Variants in SAMD3 observed in about 807,000 individuals in gnomAD.
SAMD3 encodes the protein sterile alpha motif domain-containing protein 3.
SAMD3 carries 63 observed loss-of-function variants against 58.5 expected under a neutral mutation model. That is an observed-to-expected ratio of 1.08 (90% confidence interval 0.88 to 1.33). The LOEUF is 1.33. Ranked by LOEUF, SAMD3 falls within the 40% of genes most tolerant of loss-of-function variation. SAMD3 has a pLI of 0.00. For missense variants in SAMD3, 604 were observed against 608.4 expected (o/e 0.99, Z 0.08); for synonymous variants, 220 against 210.3 (o/e 1.05, Z -0.40).
At chr6:130,218,771 G>A (rs897266013) in intron 1 of SAMD3, among the ~76,000 whole-genome samples, 1 of 151,800 alleles carries the variant, frequency 6.6e-6, no homozygotes, top group Non-Finnish European at 1.5e-5. Flanking sequence ...CAAAGAAGCT[G>A]GAGAAAGCAG....
chr6:130,144,872 A>ATT, intron 11 of SAMD3, 68 bp from the exon 12 acceptor site: 1 of 1,344,464 alleles, frequency 7.4e-7, no homozygotes, highest in South Asian at 1.4e-5. Context: ...TCTGAACTTA[A>ATT]TCATGGTATT....
chr6:130,209,660 G>T, intron 4 of SAMD3, 52 bp from the exon 5 acceptor site: 2 of 1,164,996 alleles, frequency 1.7e-6, no homozygotes, highest in South Asian at 1.3e-5. Flanking sequence ...TATGACCATT[G>T]ATCTCACAGC....
intron 1 of SAMD3, among the ~76,000 whole-genome samples, chr6:130,357,371 G>A (rs576750675): frequency 2.9e-4 from 44 of 152,002 alleles, no homozygotes; most frequent in African/African-American, 9.9e-4. Flanking sequence ...TGATCTGCCC[G>A]CCTCGGCCTC....
intron 8 of SAMD3, among the ~76,000 whole-genome samples, chr6:130,173,707 G>C (rs150953313): frequency 2.6e-5 from 4 of 152,346 alleles, no homozygotes; most frequent in African/African-American, 9.6e-5. Flanking sequence ...CTGGTGCGCT[G>C]TGCTGGGAGA....
chr6:130,158,751 AG>A (rs2114604573), intron 8 of SAMD3, among the ~76,000 whole-genome samples: 1 of 152,318 alleles, frequency 6.6e-6, no homozygotes, highest in South Asian at 2.1e-4. Flanking sequence ...ACAGAGTGGG[AG>A]CGGGCTCAAG....
At chr6:130,251,065 G>A (rs1189114038) in intron 2 of SAMD3, among the ~76,000 whole-genome samples, 2 of 152,166 alleles carry the variant, frequency 1.3e-5, no homozygotes, top group East Asian at 3.8e-4. Flanking sequence ...GTGAATGCAG[G>A]TTTGAATTTC....
At chr6:130,156,172 C>T (rs757741616) in intron 8 of SAMD3, among the ~76,000 whole-genome samples, 1 of 151,906 alleles carries the variant, frequency 6.6e-6, no homozygotes, top group Non-Finnish European at 1.5e-5. Flanking sequence ...AACCCCACCT[C>T]TACTAAAAAT....
intron 2 of SAMD3, among the ~76,000 whole-genome samples, chr6:130,260,228 C>T (rs1018440021): frequency 2.6e-5 from 4 of 152,206 alleles, no homozygotes; most frequent in African/African-American, 9.6e-5. Flanking sequence ...GACCCAAAAC[C>T]AAGGAACCAG....
chr6:130,313,232 G>C (rs1239339846), intron 1 of SAMD3: 1 of 152,134 alleles, frequency 6.6e-6, no homozygotes, highest in Non-Finnish European at 1.5e-5. Context: ...GCACTGTCAT[G>C]GTGCAGGATT....
At chr6:130,246,315 A>G (rs903872353) in intron 2 of SAMD3, among the ~76,000 whole-genome samples, 2 of 152,242 alleles carry the variant, frequency 1.3e-5, no homozygotes, top group Non-Finnish European at 2.9e-5. Context: ...CATCTCTAAA[A>G]ACTGAAAGCA....
At chr6:130,269,351 C>CT (rs1203632333) in intron 2 of SAMD3, among the ~76,000 whole-genome samples, 2 of 152,036 alleles carry the variant, frequency 1.3e-5, no homozygotes, top group East Asian at 3.9e-4. Flanking sequence ...GCTGGATATT[C>CT]TTTTTTAGAG....
Position 130,190,668 on chromosome 6 carries a change from G to C in SAMD3, c.384-6045C>G, listed in dbSNP as rs1015231830. Among the ~76,000 whole-genome samples the C allele has an allele frequency of 3.3e-5, 5 of 151,992 alleles. No homozygotes were observed. In the East Asian group the frequency reaches 9.7e-4, roughly 29 times the overall value. ...CAATCTGAAAAACACTGGGAAAAGA[G>C]ATTAAAAAAAAATAAGAAAAGTAGC... On this transcript the variant is annotated intron_variant, in intron 5 of 11. Coordinates refer to ENST00000439090, the MANE Select transcript of SAMD3 (RefSeq NM_001017373.4).
chr6:130,333,395 A>G (rs879917806), intron 1 of SAMD3, among the ~76,000 whole-genome samples: 3 of 152,080 alleles, frequency 2.0e-5, no homozygotes, highest in Non-Finnish European at 4.4e-5. Context: ...CCCTGATCTC[A>G]TTGCTCCACC....
intron 1 of SAMD3, among the ~76,000 whole-genome samples, chr6:130,217,815 C>T (rs1176893320): frequency 6.6e-6 from 1 of 152,186 alleles, no homozygotes; most frequent in Non-Finnish European, 1.5e-5. Flanking sequence ...GCTGAGACAA[C>T]AAAAGATTCC....
At chr6:130,306,793 C>G (rs1215284016) in intron 2 of SAMD3, among the ~76,000 whole-genome samples, 5 of 152,152 alleles carry the variant, frequency 3.3e-5, no homozygotes, top group Non-Finnish European at 5.9e-5. Context: ...AATGTTCTTT[C>G]TTTTTCTATT....
At chr6:130,241,206 CTTTTTTT>C (rs57573903) in intron 2 of SAMD3, among the ~76,000 whole-genome samples, 1 of 109,256 alleles carries the variant, frequency 9.2e-6, no homozygotes, top group Non-Finnish European at 1.7e-5. Context: ...CTTAAACCTC[CTTTTTTT>C]TTTTTTTTTT....
intron 7 of SAMD3, among the ~76,000 whole-genome samples, chr6:130,180,059 C>T (rs1433168621): frequency 1.3e-5 from 2 of 151,142 alleles, no homozygotes; most frequent in South Asian, 2.1e-4. Context: ...AGGTGATCCA[C>T]CCGCCTCAGC....
At chr6:130,252,000 G>A (rs1426236113) in intron 2 of SAMD3, among the ~76,000 whole-genome samples, 3 of 151,828 alleles carry the variant, frequency 2.0e-5, no homozygotes, top group Middle Eastern at 6.8e-3. Flanking sequence ...GTTGAAAGTG[G>A]GCTATTGAAG....
chr6:130,319,752 A>G (rs1305814891), intron 1 of SAMD3, among the ~76,000 whole-genome samples: 8 of 152,208 alleles, frequency 5.3e-5, no homozygotes, highest in Admixed American at 5.2e-4. Context: ...AATATCTTTA[A>G]AATATAATCA....
Sources: gnomAD v4.1 joint callset for allele counts (sites outside exome capture counted in the v4.1 genomes callset) on GRCh38, gnomAD v4.1.1 for gene constraint, MANE v1.5 for transcripts, NCBI Gene and HGNC (gene_info 2026-07-23, HGNC 2026-07-21) for gene names.